Variants in PPEF1 observed in about 807,000 individuals in gnomAD.
PPEF1 encodes protein phosphatase with EF-hand domain 1.
In PPEF1, 12 loss-of-function variants were observed where a neutral mutation model predicts 53.3. The ratio of observed to expected loss-of-function variants is 0.23; its 90% CI spans 0.14 to 0.36. The LOEUF is 0.36. Ranked by LOEUF, PPEF1 falls within the 10% of genes least tolerant of loss-of-function variation. PPEF1 has a pLI of 1.00. For missense variants in PPEF1, 334 were observed against 490.4 expected, an observed-to-expected ratio of 0.68 and a Z score of 3.01; for synonymous variants, 165 against 176.7, an observed-to-expected ratio of 0.93 and a Z score of 0.52.
At chrX:18,781,401 T>C (rs764792048) in intron 7 of PPEF1, among the ~76,000 whole-genome samples, 1 of 110,802 alleles carries the variant, frequency 9.0e-6, no homozygotes, top group South Asian at 3.9e-4. Context: ...CTGAAGGAAC[T>C]ACCACATTTA....
chrX:18,781,561 G>C lies in PPEF1; in HGVS notation c.726-805G>C, dbSNP rs747935433. Among the ~76,000 whole-genome samples, 3 of 111,659 alleles carry C rather than the reference G, an allele frequency of 2.7e-5. No individual in the cohort carries two copies. In the South Asian group the frequency reaches 1.1e-3, roughly 42 times the overall value. On this transcript the variant is annotated intron_variant, in intron 7 of 15. Coordinates refer to ENST00000470157, the MANE Select transcript of PPEF1 (RefSeq NM_001377996.1). The stretch of plus-strand genomic sequence containing the variant: ...TTAGTGTTTCAGAGAGGGCGAGGAA[G>C]GTGAGGACTGCAAGGCATCTGTTGG...
chrX:18,737,786 G>A (rs2045024355), intron 3 of PPEF1, among the ~76,000 whole-genome samples: 1 of 110,967 alleles, frequency 9.0e-6, no homozygotes, highest in African/African-American at 3.3e-5. Flanking sequence ...CTCAGGACTT[G>A]CTTTATGAAT....
At chrX:18,756,097 G>A (rs1439477708) in intron 4 of PPEF1, among the ~76,000 whole-genome samples, 1 of 110,577 alleles carries the variant, frequency 9.0e-6, no homozygotes, top group East Asian at 2.8e-4. Context: ...TAGGGGAGAC[G>A]GAAAATGACT....
At chrX:18,754,881 A>C (rs1172193013) in intron 4 of PPEF1, among the ~76,000 whole-genome samples, 2 of 111,927 alleles carry the variant, frequency 1.8e-5, no homozygotes, top group Non-Finnish European at 3.8e-5. Context: ...GATTATAGGC[A>C]TGAGCCACTG....
At chrX:18,774,315 C>G (rs928415967) in intron 6 of PPEF1, among the ~76,000 whole-genome samples, 3 of 112,112 alleles carry the variant, frequency 2.7e-5, no homozygotes, top group Non-Finnish European at 5.6e-5. Flanking sequence ...TCTCGAACTC[C>G]CAACCTCAGG....
chrX:18,775,470 C>A (rs751702580), intron 6 of PPEF1, among the ~76,000 whole-genome samples: 2 of 111,750 alleles, frequency 1.8e-5, no homozygotes, highest in South Asian at 7.5e-4. Context: ...AGTGATCCAC[C>A]CACCTCAGCC....
At chrX:18,675,116 C>T (rs1005844859), upstream of PPEF1, among the ~76,000 whole-genome samples, 1 of 112,936 alleles carries the variant, frequency 8.9e-6, no homozygotes, top group Admixed American at 9.2e-5. Context: ...GTCTCGGGCT[C>T]CGGCGTTTGG....
chrX:18,821,788 AGAGAGAGAGAGAG>A (rs201410385), intron 13 of PPEF1, among the ~76,000 whole-genome samples: 4,493 of 102,668 alleles, frequency 0.044, 284 homozygotes, highest in African/African-American at 0.15. Flanking sequence ...AGAGAGAGAG[AGAGAGAGAGAGAG>A]AGAAAACAAA....
chrX:18,715,801 T>A (rs1257873820), intron 1 of PPEF1, among the ~76,000 whole-genome samples: 1 of 111,952 alleles, frequency 8.9e-6, no homozygotes, highest in African/African-American at 3.2e-5. Flanking sequence ...TCATGGCCCT[T>A]CTGATATGCT....
At chrX:18,757,379 C>T (rs1392443802) in intron 4 of PPEF1, among the ~76,000 whole-genome samples, 1 of 110,194 alleles carries the variant, frequency 9.1e-6, no homozygotes, top group Non-Finnish European at 1.9e-5. Flanking sequence ...AAGGGCGTGC[C>T]TCCCTTCACT....
Position 18,785,547 on chromosome X carries a change from T to C in PPEF1, c.912+1499T>C, listed in dbSNP as rs375326492. 2.5e-4 allele frequency among the ~76,000 whole-genome samples: 27 copies of C among 110,090 alleles called. No homozygotes were observed. In the East Asian group the frequency reaches 7.4e-3, roughly 30 times the overall value. ...TTCCTGGCTTACACCTGTTGTCCTA[T>C]TGTAATTATTAATAGCACCTCCTTT... On this transcript the variant is annotated intron_variant, in intron 9 of 15. Coordinates refer to ENST00000470157, the MANE Select transcript of PPEF1 (RefSeq NM_001377996.1).
At chrX:18,793,959 T>C (rs772185103) in intron 10 of PPEF1, among the ~76,000 whole-genome samples, 3 of 111,755 alleles carry the variant, frequency 2.7e-5, no homozygotes, top group East Asian at 5.7e-4. Flanking sequence ...GTGGATTTAA[T>C]TGGGCTCTCT....
intron 12 of PPEF1, among the ~76,000 whole-genome samples, chrX:18,810,444 T>G (rs1430704699): frequency 9.0e-6 from 1 of 110,791 alleles, no homozygotes; most frequent in African/African-American, 3.3e-5. Context: ...CGTTTAGAGT[T>G]GTGCAACTAT....
chrX:18,735,658 T>C (rs924629923), intron 3 of PPEF1, among the ~76,000 whole-genome samples: 1 of 112,232 alleles, frequency 8.9e-6, no homozygotes, highest in African/African-American at 3.2e-5. Flanking sequence ...TTTCCAATTC[T>C]GTGAAGAAAG....
intron 4 of PPEF1, among the ~76,000 whole-genome samples, chrX:18,750,668 A>C (rs1462439417): frequency 9.0e-6 from 1 of 111,636 alleles, no homozygotes; most frequent in East Asian, 2.8e-4. Flanking sequence ...CTTATACTTA[A>C]GAATATTTCA....
intron 15 of PPEF1, 144 bp from the exon 16 acceptor site, chrX:18,827,132 C>G (rs1396753229): frequency 1.1e-5 from 5 of 463,286 alleles, no homozygotes; most frequent in African/African-American, 4.8e-5. Context: ...TATGATCTTA[C>G]TCTTCCATAT....
At chrX:18,685,708 AAAAAG>A (rs1163946490) in intron 2 of PPEF1, among the ~76,000 whole-genome samples, 2 of 109,568 alleles carry the variant, frequency 1.8e-5, no homozygotes, top group Non-Finnish European at 3.8e-5. Flanking sequence ...AAAAAAGAAA[AAAAAG>A]CAGTGGGTTC....
chrX:18,711,754 C>CTTTTT (rs536021892), intron 1 of PPEF1, among the ~76,000 whole-genome samples: 2 of 89,223 alleles, frequency 2.2e-5, no homozygotes, highest in African/African-American at 4.2e-5. Context: ...ATTACTATAG[C>CTTTTT]TTTTTTTTTT....
At chrX:18,720,303 A>C (rs1258445624) in intron 1 of PPEF1, among the ~76,000 whole-genome samples, 1 of 112,075 alleles carries the variant, frequency 8.9e-6, no homozygotes, top group African/African-American at 3.2e-5. Context: ...ACATTTGAAA[A>C]TATTTCAGCC....
Sources: gnomAD v4.1 joint callset for allele counts (sites outside exome capture counted in the v4.1 genomes callset) on GRCh38, gnomAD v4.1.1 for gene constraint, MANE v1.5 for transcripts, NCBI Gene and HGNC (gene_info 2026-07-23, HGNC 2026-07-21) for gene names.